The following FRMD5 variants were observed in gnomAD, a reference collection of about 807,000 sequenced individuals.
The protein encoded by FRMD5 is FERM domain containing 5.
Under a neutral mutation model 69.0 loss-of-function variants are expected in FRMD5, and 20 were observed. The ratio of observed to expected loss-of-function variants is 0.29; its 90% CI spans 0.20 to 0.42. The LOEUF is 0.42. Among genes scored for constraint, FRMD5 ranks in the 10% least tolerant of loss-of-function variants. The pLI, the probability that FRMD5 is intolerant of heterozygous loss-of-function variation, is 1.00. For missense variants in FRMD5, 595 were observed against 708.6 expected (o/e 0.84, Z 1.82); for synonymous variants, 271 against 260.1 (o/e 1.04, Z -0.40).
At chr15:44,141,202 C>A (rs754222059) in intron 1 of FRMD5, among the ~76,000 whole-genome samples, 1 of 152,022 alleles carries the variant, frequency 6.6e-6, no homozygotes, top group Non-Finnish European at 1.5e-5. Flanking sequence ...TGGATAACCA[C>A]ATCAATTCTC....
At chr15:44,194,787 T>C in intron 1 of FRMD5, 166 bp downstream of exon 1, 1 of 706,418 alleles carries the variant, frequency 1.4e-6, no homozygotes, top group South Asian at 1.5e-5. Flanking sequence ...CGGCAGGGGC[T>C]CCGGTGAAGA....
chr15:43,888,930 A>G (rs1050912766), intron 8 of FRMD5, 58 bp from the exon 9 acceptor site: 1 of 1,461,432 alleles, frequency 6.8e-7, no homozygotes, highest in African/African-American at 1.4e-5. Flanking sequence ...TCACAGCTAA[A>G]TCTTGTAGAT....
chr15:44,112,719 C>T (rs1016381446), intron 1 of FRMD5, among the ~76,000 whole-genome samples: 3 of 152,168 alleles, frequency 2.0e-5, no homozygotes, highest in South Asian at 2.1e-4. Flanking sequence ...CCACCCACCT[C>T]GGCCTCCCAA....
At chr15:43,936,278 G>A (rs1176033812) in intron 1 of FRMD5, among the ~76,000 whole-genome samples, 2 of 152,160 alleles carry the variant, frequency 1.3e-5, no homozygotes, top group Non-Finnish European at 2.9e-5. Context: ...CTGTAGCCTT[G>A]ACCTCCTGGG....
At chr15:43,959,102 T>C (rs1423586850) in intron 1 of FRMD5, among the ~76,000 whole-genome samples, 2 of 152,206 alleles carry the variant, frequency 1.3e-5, no homozygotes, top group African/African-American at 4.8e-5. Flanking sequence ...AAACAACCTC[T>C]AGTGAATAAT....
chr15:44,032,182 C>T (rs1445038262), intron 1 of FRMD5, among the ~76,000 whole-genome samples: 1 of 152,190 alleles, frequency 6.6e-6, no homozygotes, highest in Admixed American at 6.5e-5. Flanking sequence ...CCCTTCCTTA[C>T]ATTATATACA....
At chr15:44,178,761 G>A (rs372655132) in intron 1 of FRMD5, among the ~76,000 whole-genome samples, 13 of 152,336 alleles carry the variant, frequency 8.5e-5, no homozygotes, top group African/African-American at 3.1e-4. Context: ...GGGAGGCCAA[G>A]GCGGGTGGAT....
At chr15:43,968,212 C>A (rs372746253) in intron 1 of FRMD5, among the ~76,000 whole-genome samples, 1 of 152,092 alleles carries the variant, frequency 6.6e-6, no homozygotes, top group Non-Finnish European at 1.5e-5. Flanking sequence ...GTACCCCAAC[C>A]GCCCCCAATT....
chr15:43,980,467 T>A (rs2090531295), intron 1 of FRMD5, among the ~76,000 whole-genome samples: 1 of 152,248 alleles, frequency 6.6e-6, no homozygotes, highest in African/African-American at 2.4e-5. Flanking sequence ...AAGTCTTTTC[T>A]GCTACCATTT....
At chr15:44,195,393 A>G (rs182579097), upstream of FRMD5, 24 of 338,652 alleles carry the variant, frequency 7.1e-5, 1 homozygote, top group Middle Eastern at 8.3e-4. Context: ...GAGATAGAGT[A>G]CTGGGATGAT....
intron 5 of FRMD5, 123 bp from the exon 6 acceptor site, chr15:43,906,074 G>C: frequency 8.0e-7 from 1 of 1,254,108 alleles, no homozygotes; most frequent in South Asian, 1.3e-5. Flanking sequence ...AGAAACAGTG[G>C]ATTCTGAGCA....
chr15:44,181,996 T>C (rs189582379), intron 1 of FRMD5, among the ~76,000 whole-genome samples: 11 of 150,674 alleles, frequency 7.3e-5, no homozygotes, highest in Admixed American at 2.0e-4. Context: ...GCTCAAGCTA[T>C]AGGTAACTTT....
chr15:44,161,938 C>G (rs763544172), intron 1 of FRMD5, among the ~76,000 whole-genome samples: 1 of 152,212 alleles, frequency 6.6e-6, no homozygotes, highest in Non-Finnish European at 1.5e-5. Flanking sequence ...AGAGGTATTT[C>G]CTTGAAAGGT....
chr15:44,150,307 G>A (rs2077422713), intron 1 of FRMD5, among the ~76,000 whole-genome samples: 1 of 151,854 alleles, frequency 6.6e-6, no homozygotes, highest in Non-Finnish European at 1.5e-5. Context: ...TCTTAGCAAA[G>A]AGATTATGCA....
rs977405427 is a variant in FRMD5 at position 43,874,525 on chromosome 15, A to G, written c.1136-63T>C. 3.1e-6 allele frequency: 4 copies of G among 1,287,386 alleles called. No homozygotes were observed. The African/African-American group carries it at 5.8e-5, about 19-fold the overall frequency. 79.7% of individuals were successfully genotyped at this position (1,287,386 alleles called of 1,614,324 possible). A position where few individuals can be genotyped will look rare whatever the true frequency, so the allele number is the denominator to read the frequency against. ...AATGCACCCTTTGCTTTCCAGTAGC[A>G]CCCATTGTGTTTTATTGGGTACCAT... On this transcript the variant is annotated intron_variant, in intron 13 of 13. Coordinates refer to ENST00000417257, the MANE Select transcript of FRMD5 (RefSeq NM_032892.5).
At chr15:44,084,428 T>A (rs113884811) in intron 1 of FRMD5, among the ~76,000 whole-genome samples, 5,458 of 152,178 alleles carry the variant, frequency 0.036, 292 homozygotes, top group African/African-American at 0.11. Context: ...ACTATTATTG[T>A]TGGAGAGTTT....
chr15:44,054,383 A>T (rs1892785792), intron 1 of FRMD5, among the ~76,000 whole-genome samples: 1 of 152,220 alleles, frequency 6.6e-6, no homozygotes, highest in Non-Finnish European at 1.5e-5. Flanking sequence ...TTACAACCAT[A>T]AAAGTCCCAA....
chr15:44,185,164 C>T (rs1401605269), intron 1 of FRMD5, among the ~76,000 whole-genome samples: 2 of 152,168 alleles, frequency 1.3e-5, no homozygotes, highest in Non-Finnish European at 2.9e-5. Flanking sequence ...TGTAGCTACA[C>T]CAAGCAAACT....
At chr15:43,917,622 T>A (rs2089415884) in intron 4 of FRMD5, 1 of 152,170 alleles carries the variant, frequency 6.6e-6, no homozygotes, top group African/African-American at 2.4e-5. Context: ...TGACTTCAGG[T>A]GATCCGCCCG....
Sources: gnomAD v4.1 joint callset for allele counts (sites outside exome capture counted in the v4.1 genomes callset) on GRCh38, gnomAD v4.1.1 for gene constraint, MANE v1.5 for transcripts, NCBI Gene and HGNC (gene_info 2026-07-23, HGNC 2026-07-21) for gene names.